The following CAPZB variants were observed in gnomAD, a reference collection of about 807,000 sequenced individuals.
CAPZB encodes capping actin protein of muscle Z-line subunit beta.
A neutral mutation model predicts 38.1 loss-of-function variants in CAPZB; 2 were observed. The ratio of observed to expected loss-of-function variants is 0.05; its 90% CI spans 0.02 to 0.17. CAPZB has a LOEUF of 0.17. Among genes scored for constraint, CAPZB ranks in the 10% least tolerant of loss-of-function variants. CAPZB has a pLI of 1.00. For missense variants in CAPZB, 161 were observed against 334.2 expected (o/e 0.48, Z 4.04); for synonymous variants, 107 against 127.4 (o/e 0.84, Z 1.08).
chr1:19,474,867 C>T (rs1047934666), intron 1 of CAPZB, among the ~76,000 whole-genome samples: 1 of 152,170 alleles, frequency 6.6e-6, no homozygotes, highest in African/African-American at 2.4e-5. Flanking sequence ...AAAATTAAGT[C>T]TTCCAGAAGA....
chr1:19,447,065 A>G (rs1163383965), intron 1 of CAPZB, among the ~76,000 whole-genome samples: 1 of 152,170 alleles, frequency 6.6e-6, no homozygotes, highest in Non-Finnish European at 1.5e-5. Flanking sequence ...CCAAAAAATG[A>G]CACCTGCCAC....
intron 1 of CAPZB, among the ~76,000 whole-genome samples, chr1:19,447,929 A>C (rs1449791966): frequency 6.6e-6 from 1 of 152,182 alleles, no homozygotes; most frequent in East Asian, 1.9e-4. Context: ...TTGCTCTCTA[A>C]TCACACCCTC....
At chr1:19,419,462 A>C (rs1226376916) in intron 2 of CAPZB, among the ~76,000 whole-genome samples, 199 bp downstream of exon 2, 1 of 152,202 alleles carries the variant, frequency 6.6e-6, no homozygotes, top group Non-Finnish European at 1.5e-5. Flanking sequence ...GGCTTCAACA[A>C]CACAGATGGT....
At chr1:19,434,522 T>C (rs2094451863) in intron 1 of CAPZB, among the ~76,000 whole-genome samples, 1 of 148,664 alleles carries the variant, frequency 6.7e-6, no homozygotes, top group Admixed American at 6.7e-5. Flanking sequence ...GCCAGGAGTT[T>C]GAGACCAACC....
chr1:19,467,359 G>C (rs542395262), intron 1 of CAPZB, among the ~76,000 whole-genome samples: 201 of 152,316 alleles, frequency 1.3e-3, no homozygotes, highest in African/African-American at 4.5e-3. Flanking sequence ...ACAGAAGGGA[G>C]AAGGGAGGCA....
Position 19,357,578 on chromosome 1 carries a change from C to A in CAPZB, c.330-15G>T. 2 of 1,613,820 alleles carry A rather than the reference C, an allele frequency of 1.2e-6. No homozygotes were observed. The highest frequency in any genetic ancestry group is 4.5e-5 in the East Asian group (2 of 44,882). ...CTTCAAAATACCTGCAGGAAACAGGCCAATGTGCCTGTTAGATGCTAAAGG... is the reference window on the plus strand; with the variant it reads ...CTTCAAAATACCTGCAGGAAACAGGACAATGTGCCTGTTAGATGCTAAAGG... On this transcript the variant is annotated splice_polypyrimidine_tract_variant and intron_variant, in intron 4 of 8. Transcript: ENST00000264202. This position sits in a 1 kb window ranked among gnomAD's most constrained non-coding sequence, Gnocchi z 4.3.
chr1:19,433,030 G>T (rs2094447408), intron 1 of CAPZB, among the ~76,000 whole-genome samples: 1 of 152,202 alleles, frequency 6.6e-6, no homozygotes, highest in African/African-American at 2.4e-5. Flanking sequence ...CTCCCACACA[G>T]TTTCTCTGGT....
intron 8 of CAPZB, among the ~76,000 whole-genome samples, chr1:19,341,939 CAGCCCCAGT>C (rs2093931629): frequency 2.0e-5 from 3 of 152,238 alleles, no homozygotes; most frequent in Non-Finnish European, 4.4e-5. Context: ...CTGGGCTCTG[CAGCCCCAGT>C]TGGCAGGGTT....
intron 1 of CAPZB, among the ~76,000 whole-genome samples, chr1:19,453,809 T>A (rs2094524382): frequency 6.6e-6 from 1 of 152,354 alleles, no homozygotes; most frequent in Non-Finnish European, 1.5e-5. Flanking sequence ...CCTTTTACTA[T>A]GTGAATAGTG....
chr1:19,378,418 C>T lies in CAPZB; in HGVS notation c.329+122G>A, dbSNP rs977521407. 1.1e-4 allele frequency: 75 copies of T among 664,074 alleles called. No individual in the cohort carries two copies. The Admixed American group carries it at 1.7e-3, about 15-fold the overall frequency. The allele number at this position is 664,074 out of a possible 1,614,324, so 41.1% of individuals were successfully genotyped here. A position where few individuals can be genotyped will look rare whatever the true frequency, so the allele number is the denominator to read the frequency against. ...ACAGATTCAAGGGAGAATGCTTGGC[C>T]GGGTAACAGATTCAAGGGAGAATGC... On this transcript the variant is annotated intron_variant, in intron 4 of 8. Transcript: ENST00000264202.
chr1:19,398,943 G>A (rs1029511007), intron 2 of CAPZB, among the ~76,000 whole-genome samples: 5 of 149,486 alleles, frequency 3.3e-5, no homozygotes, highest in Admixed American at 1.3e-4. Context: ...CGCAACCTCC[G>A]CCTCCCAGGT....
At position 19,455,475 on chromosome 1, in the gene CAPZB, T is replaced by C. The variant is rs2094530213; in HGVS notation, c.3+29961A>G. ...CCTTGCTGGTCCCCACTGGCCTCAT[T>C]AAGGCTGGGACTATTATTTCTCAAC... On this transcript the variant is annotated intron_variant, in intron 1 of 8. Transcript: ENST00000264202. Among the ~76,000 whole-genome samples, 3 of 152,304 alleles carry C rather than the reference T, an allele frequency of 2.0e-5. No individual in the cohort carries two copies. The South Asian group carries it at 6.2e-4, about 32-fold the overall frequency.
intron 2 of CAPZB, among the ~76,000 whole-genome samples, chr1:19,418,078 G>C (rs535225971): frequency 8.3e-6 from 1 of 120,786 alleles, no homozygotes; most frequent in Admixed American, 1.2e-4. Flanking sequence ...GGAGATTGCA[G>C]AGAACCAAGA....
intron 2 of CAPZB, chr1:19,385,888 A>C: frequency 1.8e-6 from 1 of 567,602 alleles, no homozygotes; most frequent in Non-Finnish European, 3.4e-6. Context: ...TGCAGCTTTA[A>C]TTACCTGGTC....
At chr1:19,358,783 A>C (rs1481904076) in intron 4 of CAPZB, among the ~76,000 whole-genome samples, 1 of 152,210 alleles carries the variant, frequency 6.6e-6, no homozygotes, top group African/African-American at 2.4e-5. Context: ...GGCCTCTCTG[A>C]CACCTATTAA....
chr1:19,404,371 G>C (rs12726451), intron 2 of CAPZB, among the ~76,000 whole-genome samples: 100,840 of 151,014 alleles, frequency 0.67, 34,380 homozygotes, highest in East Asian at 0.95. Flanking sequence ...TGGTAAAACC[G>C]CATCTCTACT....
intron 2 of CAPZB, among the ~76,000 whole-genome samples, chr1:19,387,238 A>T (rs532103637): frequency 6.1e-4 from 93 of 152,332 alleles, no homozygotes; most frequent in African/African-American, 2.2e-3. Flanking sequence ...CCAGGGCCAG[A>T]TGAGTCCAAA....
At chr1:19,484,123 A>G in intron 1 of CAPZB, 2 of 1,534,656 alleles carry the variant, frequency 1.3e-6, no homozygotes, top group Non-Finnish European at 1.8e-6. Flanking sequence ...TCTGGATAGC[A>G]TCTGCCTTCT....
At chr1:19,464,552 A>G (rs1288806043) in intron 1 of CAPZB, among the ~76,000 whole-genome samples, 1 of 152,070 alleles carries the variant, frequency 6.6e-6, no homozygotes, top group East Asian at 1.9e-4. Context: ...TCGGCCTCCC[A>G]AAATGCTGGG....
Sources: gnomAD v4.1 joint callset for allele counts (sites outside exome capture counted in the v4.1 genomes callset) on GRCh38, gnomAD v4.1.1 for gene constraint, Gnocchi (gnomAD v3.1) non-coding constraint, MANE v1.5 for transcripts, NCBI Gene and HGNC (gene_info 2026-07-23, HGNC 2026-07-21) for gene names.